Variants in WSCD2 observed in about 807,000 individuals in gnomAD.
WSCD2 encodes the protein sialate:O-sulfotransferase 2.
A neutral mutation model predicts 55.7 loss-of-function variants in WSCD2; 28 were observed. The ratio of observed to expected loss-of-function variants is 0.50; its 90% CI spans 0.37 to 0.69. The LOEUF (loss-of-function observed/expected upper bound fraction) is 0.69, where lower values mean the gene tolerates loss of function less well. Among genes scored for constraint, WSCD2 ranks in the 30% least tolerant of loss-of-function variants. WSCD2 has a pLI of 0.00. For synonymous variants in WSCD2, 301 were observed against 301.9 expected (o/e 1.00, Z 0.03); for missense variants, 616 against 762.1 (o/e 0.81, Z 2.26).
At chr12:108,145,958 G>T (rs1448249736) in intron 1 of WSCD2, among the ~76,000 whole-genome samples, 1 of 152,148 alleles carries the variant, frequency 6.6e-6, no homozygotes, top group Non-Finnish European at 1.5e-5. Context: ...GGCATGCTTT[G>T]GTGGAAACAT....
intron 7 of WSCD2, among the ~76,000 whole-genome samples, chr12:108,237,593 A>C (rs1177439417): frequency 1.3e-5 from 2 of 152,180 alleles, no homozygotes; most frequent in African/African-American, 4.8e-5. Flanking sequence ...TTGAGCAACT[A>C]TCTGTTGTTC....
chr12:108,196,889 C>G (rs914306808), intron 2 of WSCD2: 1 of 152,200 alleles, frequency 6.6e-6, no homozygotes, highest in East Asian at 1.9e-4. Flanking sequence ...AAACAAGGCC[C>G]CTATTATCCT....
intron 7 of WSCD2, among the ~76,000 whole-genome samples, chr12:108,238,529 C>T (rs757323051): frequency 1.7e-4 from 26 of 152,166 alleles, no homozygotes; most frequent in Admixed American, 4.6e-4. Context: ...TGATACGGGG[C>T]GACTTCTCAG....
intron 4 of WSCD2, among the ~76,000 whole-genome samples, chr12:108,216,136 G>A (rs1886807575): frequency 6.6e-6 from 1 of 152,152 alleles, no homozygotes. Flanking sequence ...TAGTAGAGAT[G>A]GGAAACAAGG....
At position 108,184,836 on chromosome 12, in the gene WSCD2, C is replaced by A. The variant is rs559313431; in HGVS notation, c.-551-10446C>A. On this transcript the variant is annotated intron_variant, in intron 1 of 8. Transcript: ENST00000547525. ...GTTATTTCATTCAAGTTTCTCCAAG[C>A]CTCAGTTTCCCCTTATGTAAAGGAA... Among the ~76,000 whole-genome samples, 234 of 152,296 alleles carry A rather than the reference C, an allele frequency of 1.5e-3. 2 individuals carry two copies. Among genetic ancestry groups the A allele is most frequent in the African/African-American group, 5.5e-3 (230 of 41,558 alleles).
At chr12:108,140,328 A>G (rs1325052506) in intron 1 of WSCD2, among the ~76,000 whole-genome samples, 1 of 152,236 alleles carries the variant, frequency 6.6e-6, no homozygotes, top group African/African-American at 2.4e-5. Context: ...AGTTAGTAAC[A>G]TAATGATTGT....
intron 1 of WSCD2, among the ~76,000 whole-genome samples, chr12:108,164,991 T>C (rs1174745864): frequency 6.6e-6 from 1 of 152,190 alleles, no homozygotes; most frequent in East Asian, 1.9e-4. Context: ...CCAATGACTA[T>C]GGCACTGGTT....
intron 1 of WSCD2, among the ~76,000 whole-genome samples, chr12:108,183,740 AG>A (rs1882104657): frequency 6.6e-6 from 1 of 152,144 alleles, no homozygotes; most frequent in African/African-American, 2.4e-5. Flanking sequence ...CAGAGGTCAG[AG>A]GGTGGCACTT....
intron 8 of WSCD2, among the ~76,000 whole-genome samples, chr12:108,246,856 G>T (rs1428843628): frequency 6.6e-6 from 1 of 152,182 alleles, no homozygotes; most frequent in African/African-American, 2.4e-5. Flanking sequence ...GTGGGGGGCT[G>T]CAGGGGACGG....
At chr12:108,178,992 G>T (rs1012984569) in intron 1 of WSCD2, among the ~76,000 whole-genome samples, 1 of 152,194 alleles carries the variant, frequency 6.6e-6, no homozygotes, top group African/African-American at 2.4e-5. Context: ...GGCCTAGAAA[G>T]GTTCTGGGAC....
At chr12:108,184,011 T>C (rs188634505) in intron 1 of WSCD2, among the ~76,000 whole-genome samples, 5 of 152,214 alleles carry the variant, frequency 3.3e-5, no homozygotes, top group African/African-American at 4.8e-5. Flanking sequence ...TCCATTTTTC[T>C]TCTTTCTCAG....
intron 2 of WSCD2, among the ~76,000 whole-genome samples, chr12:108,201,987 G>A (rs1252048351): frequency 2.0e-5 from 3 of 152,120 alleles, no homozygotes; most frequent in Non-Finnish European, 4.4e-5. Flanking sequence ...TGTGAACTTG[G>A]CCATTAATCC....
chr12:108,245,214 C>G (rs1022750683), intron 8 of WSCD2, among the ~76,000 whole-genome samples: 2 of 149,650 alleles, frequency 1.3e-5, no homozygotes, highest in African/African-American at 5.0e-5. Flanking sequence ...CCTTCAATGC[C>G]CGTTGTGTAG....
At position 108,221,175 on chromosome 12, in the gene WSCD2, C is replaced by T. The variant is rs77201757; in HGVS notation, c.683-3564C>T. Among the ~76,000 whole-genome samples the T allele has an allele frequency of 4.9e-3, 748 of 152,228 alleles. 1 individual carries two copies. Among genetic ancestry groups the T allele is most frequent in the Non-Finnish European group, 9.2e-3 (624 of 68,012 alleles). ...TTGCCCGGTGACCTGAGTTAGCATC[C>T]GGCTGACTGAGTTTTCTGGTTAAGT... On this transcript the variant is annotated intron_variant, in intron 4 of 8. Coordinates refer to ENST00000547525, the MANE Select transcript of WSCD2 (RefSeq NM_014653.4).
At chr12:108,171,262 A>T (rs1880210814) in intron 1 of WSCD2, among the ~76,000 whole-genome samples, 1 of 152,214 alleles carries the variant, frequency 6.6e-6, no homozygotes, top group South Asian at 2.1e-4. Context: ...AGCTCATTAG[A>T]CTGGGAGCAT....
intron 4 of WSCD2, among the ~76,000 whole-genome samples, chr12:108,222,481 T>G (rs1451357370): frequency 6.6e-6 from 1 of 152,244 alleles, no homozygotes; most frequent in Non-Finnish European, 1.5e-5. Context: ...ACATAATAGG[T>G]ATTCAATAAA....
chr12:108,239,998 G>GGC (rs1317215697), intron 7 of WSCD2, among the ~76,000 whole-genome samples: 1 of 152,178 alleles, frequency 6.6e-6, no homozygotes, highest in East Asian at 1.9e-4. Flanking sequence ...TGGGATTACA[G>GGC]GCGTGAGCCA....
chr12:108,194,850 A>C (rs1422089336), intron 1 of WSCD2, among the ~76,000 whole-genome samples: 1 of 152,326 alleles, frequency 6.6e-6, no homozygotes, highest in East Asian at 1.9e-4. Context: ...GTTGGGAAAA[A>C]AAATGAATGA....
At chr12:108,133,419 G>A (rs1037074447) in intron 1 of WSCD2, among the ~76,000 whole-genome samples, 6 of 152,112 alleles carry the variant, frequency 3.9e-5, no homozygotes, top group African/African-American at 1.2e-4. Flanking sequence ...TTGTACAGCA[G>A]TGTAACTTTT....
Sources: allele counts gnomAD v4.1 joint callset (sites outside exome capture counted in the v4.1 genomes callset), GRCh38; gene constraint gnomAD v4.1.1; transcripts MANE v1.5; gene names NCBI Gene and HGNC (gene_info 2026-07-23, HGNC 2026-07-21).